SOX6: variants seen among roughly 807,000 people sequenced by gnomAD.
SOX6 encodes the protein SRY-box transcription factor 6.
SOX6 carries 11 observed loss-of-function variants against 97.8 expected under a neutral mutation model. The observed-to-expected ratio is 0.11, with a 90% confidence interval of 0.07 to 0.19. The LOEUF (loss-of-function observed/expected upper bound fraction) is 0.19. SOX6 is among the 10% of genes least tolerant of loss of function. The pLI is 1.00. For synonymous variants in SOX6, 360 were observed against 371.4 expected (o/e 0.97, Z 0.35); for missense variants, 810 against 1,039.5 (o/e 0.78, Z 3.04).
At chr11:16,185,394 C>T (rs1008124831) in intron 5 of SOX6, among the ~76,000 whole-genome samples, 1 of 152,144 alleles carries the variant, frequency 6.6e-6, no homozygotes, top group Non-Finnish European at 1.5e-5. Flanking sequence ...CAGTGAAATG[C>T]CACTAGGCAT....
At chr11:16,188,229 CAA>C (rs5789943) in intron 4 of SOX6, among the ~76,000 whole-genome samples, 11 of 113,550 alleles carry the variant, frequency 9.7e-5, no homozygotes, top group Non-Finnish European at 1.1e-4. Flanking sequence ...AACTCAGGTC[CAA>C]AAAAAAAAAA....
At chr11:16,261,666 T>C (rs1489639829) in intron 3 of SOX6, among the ~76,000 whole-genome samples, 2 of 151,988 alleles carry the variant, frequency 1.3e-5, no homozygotes, top group Admixed American at 6.6e-5. Flanking sequence ...AAATGAGTGA[T>C]AGCTTACAAA....
intron 2 of SOX6, among the ~76,000 whole-genome samples, chr11:16,727,682 C>A (rs1848317884): frequency 6.6e-6 from 1 of 151,824 alleles, no homozygotes; most frequent in Non-Finnish European, 1.5e-5. Context: ...AAAGAATCTG[C>A]CCACCTCGGC....
intron 6 of SOX6, among the ~76,000 whole-genome samples, chr11:16,136,139 C>T (rs1422454516): frequency 6.6e-6 from 1 of 152,154 alleles, no homozygotes; most frequent in Admixed American, 6.5e-5. Context: ...CTGCCTCAGC[C>T]TCCCAAGTAG....
At chr11:16,170,761 A>G (rs1021226160) in intron 6 of SOX6, among the ~76,000 whole-genome samples, 2 of 152,072 alleles carry the variant, frequency 1.3e-5, no homozygotes, top group Non-Finnish European at 2.9e-5. Context: ...TCTTCTTATA[A>G]GCCCAACTAA....
At chr11:16,553,738 G>A (rs1455267738) in intron 4 of SOX6, among the ~76,000 whole-genome samples, 2 of 152,052 alleles carry the variant, frequency 1.3e-5, no homozygotes, top group Non-Finnish European at 2.9e-5. Context: ...ACAGAACCAG[G>A]ATAAAATTAA....
intron 9 of SOX6, among the ~76,000 whole-genome samples, chr11:16,059,591 A>G (rs997537544): frequency 6.6e-6 from 1 of 152,024 alleles, no homozygotes; most frequent in Non-Finnish European, 1.5e-5. Flanking sequence ...CAAGAGCCAG[A>G]TGTGCTTATG....
intron 3 of SOX6, among the ~76,000 whole-genome samples, chr11:16,285,494 A>G (rs1483894071): frequency 6.6e-6 from 1 of 152,084 alleles, no homozygotes; most frequent in Non-Finnish European, 1.5e-5. Context: ...AGATCGCACC[A>G]TTGCACTCCA....
chr11:16,180,051 G>T (rs1030225518), intron 6 of SOX6, among the ~76,000 whole-genome samples: 3 of 151,394 alleles, frequency 2.0e-5, no homozygotes, highest in African/African-American at 7.3e-5. Context: ...GTGGTATATT[G>T]GATCCATAAA....
At chr11:15,979,990 G>T (rs1397067483) in intron 15 of SOX6, among the ~76,000 whole-genome samples, 1 of 152,128 alleles carries the variant, frequency 6.6e-6, no homozygotes, top group Non-Finnish European at 1.5e-5. Context: ...AACTCAGACT[G>T]CTTGTAACAT....
chr11:16,568,268 G>A (rs890878816), intron 4 of SOX6, among the ~76,000 whole-genome samples: 2 of 151,988 alleles, frequency 1.3e-5, no homozygotes, highest in Non-Finnish European at 2.9e-5. Context: ...AGGGATACTC[G>A]ATCTGTAGTG....
chr11:16,352,850 C>G (rs1337915380), intron 1 of SOX6, among the ~76,000 whole-genome samples: 1 of 151,938 alleles, frequency 6.6e-6, no homozygotes, highest in Non-Finnish European at 1.5e-5. Context: ...AAACATAGAG[C>G]AGGTAATTCT....
chr11:16,581,996 C>A lies in SOX6; in HGVS notation n.609+30085G>T, dbSNP rs1462241977. On this transcript the variant is annotated intron_variant and non_coding_transcript_variant, in intron 4 of 5. Coordinates refer to the SOX6 transcript ENST00000524520. The stretch of plus-strand genomic sequence containing the variant: ...AAAAAAAGAAGAAGAAGAATGAAAT[C>A]ATGTCCTTTGCAACAACATGGATGC... 1.5e-4 allele frequency among the ~76,000 whole-genome samples: 22 copies of A among 150,592 alleles called. No homozygotes were observed. The South Asian group carries it at 4.4e-3, about 30-fold the overall frequency.
In SOX6 at chr11:15,967,892, C is replaced by T. The variant is rs993766563; in HGVS notation, c.*4917G>A. ...GCATTAAGCATTACCTTTCTGCCCCCACCCCGCCCACCCTTACCTCTGCCC... is the reference window on the plus strand; with the variant it reads ...GCATTAAGCATTACCTTTCTGCCCCTACCCCGCCCACCCTTACCTCTGCCC... On this transcript the variant is annotated 3_prime_UTR_variant, in exon 16 of 16. Coordinates refer to ENST00000683767, the MANE Select transcript of SOX6 (RefSeq NM_001367873.1). 5.6e-5 allele frequency: 8 copies of T among 143,398 alleles called. No individual in the cohort carries two copies. The highest frequency in any genetic ancestry group is 1.2e-4 in the Non-Finnish European group (8 of 65,506). 8.9% of individuals were successfully genotyped at this position (143,398 alleles called of 1,614,324 possible). A position where few individuals can be genotyped will look rare whatever the true frequency, so the allele number is the denominator to read the frequency against.
intron 4 of SOX6, among the ~76,000 whole-genome samples, chr11:16,188,841 T>C (rs1191290736): frequency 6.6e-6 from 1 of 152,026 alleles, no homozygotes; most frequent in Non-Finnish European, 1.5e-5. Flanking sequence ...GGCAGGTGGC[T>C]CGCCTTAGGT....
intron 4 of SOX6, among the ~76,000 whole-genome samples, chr11:16,502,631 G>A (rs1316478336): frequency 6.6e-6 from 1 of 152,076 alleles, no homozygotes; most frequent in African/African-American, 2.4e-5. Context: ...TTCAGAACTT[G>A]AAGGCAGGTC....
intron 3 of SOX6, among the ~76,000 whole-genome samples, chr11:16,681,235 AG>A (rs1847925107): frequency 6.6e-6 from 1 of 152,242 alleles, no homozygotes; most frequent in Non-Finnish European, 1.5e-5. Context: ...CAAATGTAAA[AG>A]AACAGTAATC....
chr11:16,339,030 T>C (rs1856549508), intron 2 of SOX6, among the ~76,000 whole-genome samples: 1 of 152,046 alleles, frequency 6.6e-6, no homozygotes, highest in African/African-American at 2.4e-5. Flanking sequence ...TGTCTATGAC[T>C]AGATTTGGCA....
At chr11:16,465,469 C>T (rs1386902775) in intron 1 of SOX6, among the ~76,000 whole-genome samples, 2 of 152,086 alleles carry the variant, frequency 1.3e-5, no homozygotes, top group Non-Finnish European at 2.9e-5. Flanking sequence ...GAAAAAAATA[C>T]ATCTGGATTT....
Sources: allele counts gnomAD v4.1 joint callset (sites outside exome capture counted in the v4.1 genomes callset), GRCh38; gene constraint gnomAD v4.1.1; transcripts MANE v1.5; gene names NCBI Gene and HGNC (gene_info 2026-07-23, HGNC 2026-07-21).